MEGF6: variants seen among roughly 807,000 people sequenced by gnomAD.
MEGF6 encodes multiple epidermal growth factor-like domains protein 6.
In MEGF6, 184 loss-of-function variants were observed where a neutral mutation model predicts 207.1. The ratio of observed to expected loss-of-function variants is 0.89; its 90% CI spans 0.79 to 1.00. The LOEUF (loss-of-function observed/expected upper bound fraction) is 1.00, where lower values mean the gene tolerates loss of function less well. MEGF6 is among the 50% of genes least tolerant of loss of function. The probability of loss-of-function intolerance (pLI) is 0.00; values close to 1 mark genes in which losing one functional copy is unlikely to be tolerated. For missense variants in MEGF6, 2,282 were observed against 2,202.9 expected, an observed-to-expected ratio of 1.04 and a Z score of -0.72; for synonymous variants, 1,038 against 910.0, an observed-to-expected ratio of 1.14 and a Z score of -2.53.
At chr1:3,576,216 C>T (rs941901169) in intron 4 of MEGF6, among the ~76,000 whole-genome samples, 12 of 152,258 alleles carry the variant, frequency 7.9e-5, no homozygotes, top group Admixed American at 2.0e-4. Context: ...CCGCTTTGTG[C>T]TCCCACGGCT....
In MEGF6 at chr1:3,498,420, C is replaced by T. The variant is rs533001945; in HGVS notation, c.3303G>A (p.Thr1101=). The T allele has an allele frequency of 7.5e-6, 12 of 1,589,562 alleles. No individual in the cohort carries two copies. Among genetic ancestry groups the T allele is most frequent in the Middle Eastern group, 3.4e-4 (2 of 5,942 alleles). ...AGCCGGCTGGGCAGAGGCAGCGGCC[C>T]GTGTGCGGGTCACACAGGCCCCCGT... The part of the protein sequence containing the change: ...CLNGGLCDPH[T]GRCLCPAGWT... The change falls in exon 26 of 37, where the codon ACG becomes ACA. Residue 1101 remains threonine (T), a synonymous_variant. Transcript: ENST00000356575.
intron 2 of MEGF6, among the ~76,000 whole-genome samples, chr1:3,601,170 C>T (rs1205478269): frequency 1.3e-5 from 2 of 152,216 alleles, no homozygotes; most frequent in African/African-American, 4.8e-5. Context: ...AAATCATGCC[C>T]CCATAGCGAG....
At chr1:3,540,130 C>T (rs980013599) in intron 4 of MEGF6, among the ~76,000 whole-genome samples, 1 of 152,230 alleles carries the variant, frequency 6.6e-6, no homozygotes, top group Non-Finnish European at 1.5e-5. Context: ...CAGAGAAAGC[C>T]TCTTGTCTTT....
At chr1:3,530,758 C>G (rs1307250505) in intron 4 of MEGF6, among the ~76,000 whole-genome samples, 1 of 152,204 alleles carries the variant, frequency 6.6e-6, no homozygotes, top group African/African-American at 2.4e-5. Flanking sequence ...TCACTTGACC[C>G]GCAGAGTCGC....
intron 29 of MEGF6, among the ~76,000 whole-genome samples, chr1:3,496,283 G>A (rs1314832143): frequency 6.6e-6 from 1 of 152,226 alleles, no homozygotes; most frequent in African/African-American, 2.4e-5. Context: ...GGTCCCAGAA[G>A]GGGAAAGTCC....
intron 11 of MEGF6, 115 bp from the exon 12 acceptor site, chr1:3,509,360 A>G (rs1405858059): frequency 9.7e-6 from 8 of 822,202 alleles, no homozygotes; most frequent in Non-Finnish European, 1.4e-5. Flanking sequence ...CCACCCTCCT[A>G]CTGCCTCCAC....
At chr1:3,512,799 C>T (rs1641400018) in intron 7 of MEGF6, among the ~76,000 whole-genome samples, 1 of 152,174 alleles carries the variant, frequency 6.6e-6, no homozygotes, top group Non-Finnish European at 1.5e-5. Flanking sequence ...TCTTTATCGG[C>T]AGCGTGAAAA....
intron 4 of MEGF6, among the ~76,000 whole-genome samples, chr1:3,526,862 C>T (rs565723834): frequency 6.6e-6 from 1 of 152,306 alleles, no homozygotes; most frequent in East Asian, 1.9e-4. Context: ...GCCCTCTGGC[C>T]AGGGTGACAA....
chr1:3,499,973 G>A, intron 21 of MEGF6, 49 bp from the exon 22 acceptor site: 1 of 1,510,986 alleles, frequency 6.6e-7, no homozygotes, highest in Non-Finnish European at 8.9e-7. Flanking sequence ...CCAGGAGCCT[G>A]ACCCAGCCGT....
chr1:3,543,095 G>A (rs981231711), intron 4 of MEGF6, among the ~76,000 whole-genome samples: 2 of 152,224 alleles, frequency 1.3e-5, no homozygotes, highest in Admixed American at 6.5e-5. Context: ...GCCCAGCCCA[G>A]CAGAGCAGAG....
At chr1:3,495,115 C>T (rs188436072) in intron 30 of MEGF6, among the ~76,000 whole-genome samples, 12 of 152,318 alleles carry the variant, frequency 7.9e-5, no homozygotes, top group East Asian at 1.9e-4. Flanking sequence ...TGAGAAGTAG[C>T]GTGGCTGGGC....
intron 3 of MEGF6, among the ~76,000 whole-genome samples, chr1:3,593,600 T>C (rs1644014590): frequency 6.7e-6 from 1 of 148,730 alleles, no homozygotes; most frequent in South Asian, 2.1e-4. Flanking sequence ...CCCGGCCTGC[T>C]CCAAGCTGCC....
chr1:3,609,979 G>A (rs551128876), intron 1 of MEGF6, among the ~76,000 whole-genome samples: 2 of 152,356 alleles, frequency 1.3e-5, no homozygotes, highest in East Asian at 3.9e-4. Context: ...GGAGGTGGCT[G>A]GCTGAGCAGC....
In MEGF6 at chr1:3,546,817, G is replaced by A. The variant is rs1156896382; in HGVS notation, c.482-22571C>T. On this transcript the variant is annotated intron_variant, in intron 4 of 36. Transcript: ENST00000356575. ...AGGGGGCTGCCAGGGAGGCCGAGGT[G>A]GGGTGGCAGTGGGCTGGGAAGGGGG... Among the ~76,000 whole-genome samples the A allele has an allele frequency of 3.1e-3, 450 of 146,816 alleles. 11 individuals carry two copies. Among genetic ancestry groups the A allele is most frequent in the Non-Finnish European group, 5.2e-3 (338 of 65,182 alleles).
Position 3,497,265 on chromosome 1 carries a change from G to T in MEGF6, c.3449C>A (p.Pro1150His), listed in dbSNP as rs749023384. The change falls in exon 27 of 37, where the codon CCC becomes CAC. Residue 1150 changes from proline (P) to histidine (H), a missense_variant. Coordinates refer to ENST00000356575, the MANE Select transcript of MEGF6 (RefSeq NM_001409.4). ...GCAGCCGGAGCCAGTGAAGCCAGGG[G>T]GACAGCGGCAGGCCCCAGTGACGTG... The part of the protein sequence containing the change: ...CHHVTGACRC[P>H]PGFTGSGCEQ... 8.4e-6 allele frequency: 13 copies of T among 1,546,198 alleles called. No homozygotes were observed. The highest frequency in any genetic ancestry group is 1.8e-4 in the Middle Eastern group (1 of 5,682).
intron 23 of MEGF6, 61 bp downstream of exon 23, chr1:3,499,527 C>T: frequency 6.5e-7 from 1 of 1,538,602 alleles, no homozygotes; most frequent in Non-Finnish European, 8.7e-7. Flanking sequence ...GAGGGAGTCT[C>T]CTACGGAGGA....
At chr1:3,506,635 C>T (rs144475168) in intron 14 of MEGF6, among the ~76,000 whole-genome samples, 86 of 152,326 alleles carry the variant, frequency 5.6e-4, no homozygotes, top group African/African-American at 1.9e-3. Flanking sequence ...AGGCCCAAGC[C>T]GCAGGTGGCC....
intron 22 of MEGF6, 33 bp from the exon 23 acceptor site, chr1:3,499,749 C>T: frequency 6.3e-7 from 1 of 1,595,242 alleles, no homozygotes; most frequent in Non-Finnish European, 8.5e-7. Flanking sequence ...TGGAGGGGCC[C>T]ACACTGGAGG....
chr1:3,595,235 TG>T (rs2101844753), intron 3 of MEGF6, 102 bp downstream of exon 3: 4 of 761,164 alleles, frequency 5.3e-6, no homozygotes, highest in South Asian at 5.2e-5. Flanking sequence ...CTCGTGTTGC[TG>T]GGGAAGGGCG....
Sources: gnomAD v4.1 joint callset for allele counts (sites outside exome capture counted in the v4.1 genomes callset) on GRCh38, gnomAD v4.1.1 for gene constraint, MANE v1.5 for transcripts, NCBI Gene and HGNC (gene_info 2026-07-23, HGNC 2026-07-21) for gene names.